ROBO2: variants seen among roughly 807,000 people sequenced by gnomAD.
ROBO2 encodes the protein roundabout homolog 2.
Under a neutral mutation model 160.8 loss-of-function variants are expected in ROBO2, and 53 were observed. The observed-to-expected ratio is 0.33, with a 90% CI of 0.26 to 0.41. The LOEUF (loss-of-function observed/expected upper bound fraction) is 0.41, where lower values mean the gene tolerates loss of function less well. Ranked by LOEUF, ROBO2 falls within the 10% of genes least tolerant of loss-of-function variation. The probability of loss-of-function intolerance (pLI) is 1.00; values close to 1 mark genes in which losing one functional copy is unlikely to be tolerated. For synonymous variants in ROBO2, 664 were observed against 611.7 expected, an observed-to-expected ratio of 1.09 and a Z score of -1.26; for missense variants, 1,577 against 1,722.4, an observed-to-expected ratio of 0.92 and a Z score of 1.49.
intron 2 of ROBO2, among the ~76,000 whole-genome samples, chr3:77,295,210 A>G (rs1278294627): frequency 6.7e-6 from 1 of 149,854 alleles, no homozygotes; most frequent in Admixed American, 6.6e-5. Flanking sequence ...ATTGACGATT[A>G]AACGGTAAGC....
chr3:76,186,878 T>G (rs1701790471), intron 2 of ROBO2, among the ~76,000 whole-genome samples: 1 of 152,092 alleles, frequency 6.6e-6, no homozygotes. Context: ...ATTCTCACCA[T>G]CTCATTCGAC....
chr3:76,774,484 C>A (rs889275835), intron 2 of ROBO2, among the ~76,000 whole-genome samples: 1 of 150,660 alleles, frequency 6.6e-6, no homozygotes, highest in African/African-American at 2.4e-5. Flanking sequence ...TTAAATCTTC[C>A]CATTTTCTGG....
chr3:77,455,658 C>T (rs1409113108), intron 2 of ROBO2, among the ~76,000 whole-genome samples: 1 of 151,706 alleles, frequency 6.6e-6, no homozygotes, highest in Admixed American at 6.6e-5. Flanking sequence ...TCTCGATCTC[C>T]TGACCTCGTG....
At chr3:77,162,627 T>C (rs1665741493) in intron 2 of ROBO2, among the ~76,000 whole-genome samples, 1 of 152,136 alleles carries the variant, frequency 6.6e-6, no homozygotes, top group Non-Finnish European at 1.5e-5. Flanking sequence ...AAAAGTGATA[T>C]GGCTAAGGAC....
intron 2 of ROBO2, among the ~76,000 whole-genome samples, chr3:76,762,181 C>G (rs1380818859): frequency 6.6e-6 from 1 of 151,396 alleles, no homozygotes; most frequent in African/African-American, 2.4e-5. Flanking sequence ...AAAGATGGAA[C>G]AGAAATTCTA....
At position 77,317,378 on chromosome 3, in the gene ROBO2, G is replaced by A. The variant is rs527922758; in HGVS notation, c.389-160036G>A. On this transcript the variant is annotated intron_variant, in intron 2 of 25. Coordinates refer to ENST00000461745, the Ensembl canonical transcript of ROBO2. ...TCATCTCGGTGCCTAGTGTATTGTC[G>A]GGGTTCCATTTCTCCGTAGACCTCG... The A allele has an allele frequency of 7.6e-5, 77 of 1,016,196 alleles. No individual in the cohort carries two copies. The South Asian group carries it at 9.8e-4, about 13-fold the overall frequency. 62.9% of individuals were successfully genotyped at this position (1,016,196 alleles called of 1,614,324 possible). A position where few individuals can be genotyped will look rare whatever the true frequency, so the allele number is the denominator to read the frequency against.
At chr3:76,509,497 T>C (rs955444579) in intron 2 of ROBO2, among the ~76,000 whole-genome samples, 1 of 152,134 alleles carries the variant, frequency 6.6e-6, no homozygotes, top group African/African-American at 2.4e-5. Flanking sequence ...CTTGGTCGAA[T>C]TTTTACTAAG....
intron 2 of ROBO2, among the ~76,000 whole-genome samples, chr3:76,954,107 T>C (rs1385356710): frequency 2.0e-5 from 3 of 152,184 alleles, no homozygotes; most frequent in African/African-American, 7.2e-5. Context: ...CCAGAGTAAA[T>C]ATTTAGGCAG....
intron 2 of ROBO2, among the ~76,000 whole-genome samples, chr3:77,016,724 C>G (rs574393789): frequency 6.6e-6 from 1 of 152,204 alleles, no homozygotes; most frequent in East Asian, 1.9e-4. Flanking sequence ...GAGCTTTGCC[C>G]GAGGCCACAC....
intron 2 of ROBO2, among the ~76,000 whole-genome samples, chr3:76,645,450 G>A (rs1009207653): frequency 7.9e-5 from 12 of 152,150 alleles, no homozygotes; most frequent in South Asian, 2.1e-4. Flanking sequence ...AGAGGATATC[G>A]AAAATCAGCA....
At chr3:77,549,603 A>G (rs536965640) in intron 7 of ROBO2, among the ~76,000 whole-genome samples, 1 of 152,028 alleles carries the variant, frequency 6.6e-6, no homozygotes, top group African/African-American at 2.4e-5. Flanking sequence ...ATAGTGTCAC[A>G]CTTGAATCTA....
intron 2 of ROBO2, among the ~76,000 whole-genome samples, chr3:76,329,840 G>T (rs1229257969): frequency 6.6e-6 from 1 of 152,204 alleles, no homozygotes; most frequent in African/African-American, 2.4e-5. Context: ...CTCTTCAAAG[G>T]CCCTTTTATT....
At chr3:77,124,590 A>G (rs2075134915) in intron 2 of ROBO2, among the ~76,000 whole-genome samples, 1 of 152,226 alleles carries the variant, frequency 6.6e-6, no homozygotes, top group African/African-American at 2.4e-5. Flanking sequence ...GAGTTGTAGG[A>G]GTGGGTTACT....
chr3:76,977,774 C>A, intron 2 of ROBO2, among the ~76,000 whole-genome samples: 1 of 152,108 alleles, frequency 6.6e-6, no homozygotes. Flanking sequence ...TGATGTAAAG[C>A]ATTTGATAGT....
At chr3:77,478,030 T>C (rs1376255869) in intron 3 of ROBO2, among the ~76,000 whole-genome samples, 3 of 151,994 alleles carry the variant, frequency 2.0e-5, no homozygotes, top group East Asian at 3.9e-4. Flanking sequence ...TTTCACCATG[T>C]TGGCCAGGAT....
chr3:77,574,836 G>A (rs1366608115), intron 14 of ROBO2, 106 bp downstream of exon 15: 3 of 831,428 alleles, frequency 3.6e-6, no homozygotes, highest in Non-Finnish European at 6.0e-6. Context: ...TCACCTAAAA[G>A]TAAATTGAGG....
chr3:76,597,737 CCTT>C lies in ROBO2; in HGVS notation c.110-500276_110-500274del, dbSNP rs200172665. Among the ~76,000 whole-genome samples the C allele has an allele frequency of 6.3e-3, 953 of 151,968 alleles. 7 individuals carry two copies. The highest frequency in any genetic ancestry group is 0.022 in the African/African-American group (928 of 41,464). Reference sequence around the variant, plus strand: ...AGGCCCCAGTGTCTGTTGTTCCCCTCCTTGTGTTCATGTGTTTTCATCATTTAG... The same window carrying C: ...AGGCCCCAGTGTCTGTTGTTCCCCTCGTGTTCATGTGTTTTCATCATTTAG... On this transcript the variant is annotated intron_variant, in intron 2 of 26. Transcript: ENST00000487694.
At chr3:77,070,780 T>A (rs2067326782) in intron 1 of ROBO2, among the ~76,000 whole-genome samples, 1 of 152,130 alleles carries the variant, frequency 6.6e-6, no homozygotes, top group Admixed American at 6.5e-5. Context: ...GTAGCACAAC[T>A]TGATTTACAT....
chr3:76,904,189 T>A (rs1187360541), intron 2 of ROBO2, among the ~76,000 whole-genome samples: 8 of 152,190 alleles, frequency 5.3e-5, no homozygotes, highest in Non-Finnish European at 7.4e-5. Flanking sequence ...TGTAAATAAT[T>A]TGCTGAAAAA....
Sources: gnomAD v4.1 joint callset for allele counts (sites outside exome capture counted in the v4.1 genomes callset) on GRCh38, gnomAD v4.1.1 for gene constraint, MANE v1.5 for transcripts, NCBI Gene and HGNC (gene_info 2026-07-23, HGNC 2026-07-21) for gene names.